Variants in TAS2R1 observed in about 807,000 individuals in gnomAD.
The protein encoded by TAS2R1 is taste receptor type 2 member 1.
For missense variants in TAS2R1, 370 were observed against 353.4 expected, an observed-to-expected ratio of 1.05 and a Z score of -0.38; for synonymous variants, 141 against 134.2, an observed-to-expected ratio of 1.05 and a Z score of -0.35.
At chr5:9,635,415 G>C (rs571731222) in intron 2 of TAS2R1, among the ~76,000 whole-genome samples, 4 of 151,984 alleles carry the variant, frequency 2.6e-5, no homozygotes, top group Admixed American at 6.6e-5. Context: ...TGCTTTTTTT[G>C]TTATGTCCTT....
chr5:9,781,875 C>T, the TAS2R1 span, among the ~76,000 whole-genome samples: 1 of 152,174 alleles, frequency 6.6e-6, no homozygotes, highest in Non-Finnish European at 1.5e-5. Flanking sequence ...CTGACTTGTC[C>T]TTGTGTTTGG....
At chr5:9,829,766 A>G in the TAS2R1 span, among the ~76,000 whole-genome samples, 1 of 152,078 alleles carries the variant, frequency 6.6e-6, no homozygotes, top group Non-Finnish European at 1.5e-5. Flanking sequence ...AACCCAGAGG[A>G]GCATTCCTCC....
chr5:9,903,102 C>T, the TAS2R1 span, among the ~76,000 whole-genome samples: 4 of 152,036 alleles, frequency 2.6e-5, no homozygotes, highest in African/African-American at 9.7e-5. Context: ...AATCCAAGTA[C>T]ACTCAGGTTA....
chr5:9,841,504 T>C, the TAS2R1 span, among the ~76,000 whole-genome samples: 1 of 152,202 alleles, frequency 6.6e-6, no homozygotes, highest in African/African-American at 2.4e-5. Flanking sequence ...ACTCATATCA[T>C]GAGTTGTAAT....
chr5:9,830,198 TGGATGGATGGATAGAC>T, the TAS2R1 span, among the ~76,000 whole-genome samples: 1 of 151,522 alleles, frequency 6.6e-6, no homozygotes, highest in African/African-American at 2.4e-5. Context: ...GATGGATGGA[TGGATGGATGGATAGAC>T]AGATAGACAG....
At chr5:9,882,871 AT>A in the TAS2R1 span, among the ~76,000 whole-genome samples, 3 of 152,232 alleles carry the variant, frequency 2.0e-5, no homozygotes, top group Non-Finnish European at 4.4e-5. Context: ...TTTAATTATT[AT>A]TCTCAAAGGA....
chr5:9,629,820 G>A lies in TAS2R1; in HGVS notation c.213C>T (p.Phe71=). 1 of 1,613,764 alleles carries A rather than the reference G, an allele frequency of 6.2e-7. No homozygotes were observed. Among genetic ancestry groups the A allele is most frequent in the Non-Finnish European group, 8.5e-7 (1 of 1,179,838 alleles). Reference sequence around the variant, plus strand: ...CAGAACACATGATGAATTCTATGAAGAAGATAACAATCACATTAACGTAGA... The same window carrying A: ...CAGAACACATGATGAATTCTATGAAAAAGATAACAATCACATTAACGTAGA... ...FIFYVNVIVI[F]FIEFIMCSAN... is the part of the protein sequence containing the mutation. Residue 71 remains phenylalanine, a synonymous_variant, in exon 1 of 1, where the codon TTC becomes TTT. Coordinates refer to ENST00000382492, the MANE Select transcript of TAS2R1 (RefSeq NM_019599.3).
chr5:9,853,096 T>C, the TAS2R1 span, among the ~76,000 whole-genome samples: 1 of 152,218 alleles, frequency 6.6e-6, no homozygotes, highest in Non-Finnish European at 1.5e-5. Context: ...CATGTAACCT[T>C]TGATATCCCA....
the TAS2R1 span, among the ~76,000 whole-genome samples, chr5:9,900,011 T>C: frequency 6.6e-6 from 1 of 152,206 alleles, no homozygotes; most frequent in East Asian, 1.9e-4. Flanking sequence ...CTAAGATAAA[T>C]GCCCAAAAGT....
At chr5:9,700,324 C>T (rs192474443) in intron 1 of TAS2R1, among the ~76,000 whole-genome samples, 114 of 152,182 alleles carry the variant, frequency 7.5e-4, no homozygotes, top group Non-Finnish European at 1.1e-3. Context: ...TACCTAGTTT[C>T]GTTATAGGCC....
chr5:9,761,972 G>C, the TAS2R1 span, among the ~76,000 whole-genome samples: 1 of 152,126 alleles, frequency 6.6e-6, no homozygotes, highest in Non-Finnish European at 1.5e-5. Context: ...TGAGCTGACT[G>C]CCTTTAGGCT....
At chr5:9,891,089 C>G in the TAS2R1 span, among the ~76,000 whole-genome samples, 343 of 152,118 alleles carry the variant, frequency 2.3e-3, 1 homozygote, top group Admixed American at 5.6e-3. Context: ...CATTCTCTCT[C>G]TAGTCTACCT....
At chr5:9,773,900 T>C in the TAS2R1 span, among the ~76,000 whole-genome samples, 39 of 152,200 alleles carry the variant, frequency 2.6e-4, no homozygotes, top group Non-Finnish European at 4.7e-4. Flanking sequence ...GTAGTCTTCT[T>C]TGGGTTAAAT....
At chr5:9,698,642 C>T (rs1456169152) in intron 1 of TAS2R1, among the ~76,000 whole-genome samples, 1 of 152,032 alleles carries the variant, frequency 6.6e-6, no homozygotes, top group Non-Finnish European at 1.5e-5. Flanking sequence ...TAAACACACC[C>T]GAGAAGTCAG....
chr5:9,790,872 T>A, the TAS2R1 span, among the ~76,000 whole-genome samples: 5 of 152,164 alleles, frequency 3.3e-5, no homozygotes, highest in African/African-American at 1.2e-4. Flanking sequence ...ACTCTTGATC[T>A]CAAGTGATCC....
At chr5:9,686,144 C>T (rs534906295) in intron 1 of TAS2R1, among the ~76,000 whole-genome samples, 5 of 152,284 alleles carry the variant, frequency 3.3e-5, no homozygotes, top group African/African-American at 9.6e-5. Context: ...GGATTACAGG[C>T]GTGTGCCACC....
At chr5:9,690,220 A>G (rs1198833345) in intron 1 of TAS2R1, among the ~76,000 whole-genome samples, 1 of 142,838 alleles carries the variant, frequency 7.0e-6, no homozygotes, top group Non-Finnish European at 1.5e-5. Flanking sequence ...TTTCTGGAAT[A>G]TATATGCCCC....
Position 9,642,154 on chromosome 5 carries a change from GA to G in TAS2R1, c.-80-12163del, listed in dbSNP as rs757155692. On this transcript the variant is annotated intron_variant, in intron 2 of 2. Transcript: ENST00000506620. ...TTCACATGCAGTTAGATTGACGTTG[GA>G]AAGCTTTTCATCAGGTAGAAGGCTG... Among the ~76,000 whole-genome samples the G allele has an allele frequency of 3.9e-5, 6 of 152,284 alleles. No individual in the cohort carries two copies. In the East Asian group the frequency reaches 1.2e-3, roughly 29 times the overall value.
the TAS2R1 span, among the ~76,000 whole-genome samples, chr5:9,846,704 GACAA>G: frequency 6.6e-6 from 1 of 151,660 alleles, no homozygotes; most frequent in Non-Finnish European, 1.5e-5. Flanking sequence ...CACAAACTAA[GACAA>G]ACAAACAAAA....
Sources: gnomAD v4.1 joint callset for allele counts (sites outside exome capture counted in the v4.1 genomes callset) on GRCh38, gnomAD v4.1.1 for gene constraint, MANE v1.5 for transcripts, NCBI Gene and HGNC (gene_info 2026-07-23, HGNC 2026-07-21) for gene names.